The following QRICH2 variants were observed in gnomAD, a reference collection of about 807,000 sequenced individuals.
The protein encoded by QRICH2 is glutamine rich 2.
Under a neutral mutation model 168.3 loss-of-function variants are expected in QRICH2, and 119 were observed. That is an observed-to-expected ratio of 0.71 (90% CI 0.61 to 0.82). The LOEUF is 0.82. Ranked by LOEUF, QRICH2 falls within the 40% of genes least tolerant of loss-of-function variation. QRICH2 has a pLI of 0.00. For missense variants in QRICH2, 2,241 were observed against 2,491.6 expected (o/e 0.90, Z 2.14); for synonymous variants, 894 against 951.2 (o/e 0.94, Z 1.11).
intron 7 of QRICH2, among the ~76,000 whole-genome samples, chr17:76,284,804 G>C (rs1304458630): frequency 6.6e-6 from 1 of 150,524 alleles, no homozygotes. Flanking sequence ...ACAACAGAGT[G>C]AGACTCCGTC....
chr17:76,294,117 A>G, intron 3 of QRICH2, 96 bp from the exon 4 acceptor site: 21 of 1,467,306 alleles, frequency 1.4e-5, no homozygotes, highest in Non-Finnish European at 1.9e-5. Flanking sequence ...AGGATGATTT[A>G]GGGCCCCTGG....
At chr17:76,297,870 G>GTTTTT (rs1169251679) in intron 3 of QRICH2, among the ~76,000 whole-genome samples, 2 of 79,476 alleles carry the variant, frequency 2.5e-5, no homozygotes, top group Non-Finnish European at 4.6e-5. Flanking sequence ...TTAGGAATCT[G>GTTTTT]TTTTTTTTTT....
chr17:76,282,031 G>C lies in QRICH2; in HGVS notation c.4096C>G (p.His1366Asp). 6.2e-7 allele frequency: 1 copy of C among 1,613,692 alleles called. No homozygotes were observed. The highest frequency in any genetic ancestry group is 8.5e-7 in the Non-Finnish European group (1 of 1,179,810). The change falls in exon 8 of 19, where the codon CAC (histidine) becomes GAC (aspartate). Residue 1366 changes from histidine to aspartate, a missense_variant. His to Asp is a moderately conservative substitution (Grantham distance 81). Around this residue, in one of 3 missense-constraint regions of QRICH2, gnomAD observed 2,047 missense variants for 2,303.8 expected, o/e 0.89. Coordinates refer to ENST00000680821, the MANE Select transcript of QRICH2 (RefSeq NM_001388453.1). ...TCGATCTGGCCAGGAGCCAAGGTGT[G>C]GGCCTTGTGCGGGGCCATGCTCATG... ...LSMSMAPHKA[H>D]TLAPGQIDPE...
In QRICH2 at chr17:76,293,418, C is replaced by T. The variant is rs148545764; in HGVS notation, c.1309G>A (p.Val437Met). 17 of 1,614,098 alleles carry T rather than the reference C, an allele frequency of 1.1e-5. No homozygotes were observed. The highest frequency in any genetic ancestry group is 2.2e-5 in the South Asian group (2 of 91,090). ...GGTGGCAACATACGTTGCTCATCCA[C>T]GACAAATGGTATCAATTCCCGATCA... ...MDDRELIPFV[V>M]DEQRMLPPSV... The change falls in exon 4 of 19, where the codon GTG (valine) becomes ATG (methionine). Residue 437 changes from valine to methionine, a missense_variant. By Grantham distance (21) the Val-to-Met change is conservative. Transcript: ENST00000680821.
At chr17:76,297,626 G>A (rs565518623) in intron 3 of QRICH2, among the ~76,000 whole-genome samples, 2 of 152,282 alleles carry the variant, frequency 1.3e-5, no homozygotes, top group East Asian at 3.9e-4. Flanking sequence ...CCATAATGAG[G>A]AGATAACTCA....
At chr17:76,309,097 C>A (rs2071035447), upstream of QRICH2, among the ~76,000 whole-genome samples, 1 of 149,164 alleles carries the variant, frequency 6.7e-6, no homozygotes, top group Non-Finnish European at 1.5e-5. Flanking sequence ...GTGGCTCACA[C>A]CTGTAATCCC....
At chr17:76,289,406 C>T (rs56208916) in intron 5 of QRICH2, among the ~76,000 whole-genome samples, 2 of 152,004 alleles carry the variant, frequency 1.3e-5, no homozygotes, top group Admixed American at 1.3e-4. Context: ...AGGCTGGTCT[C>T]GAGCTCCCGG....
chr17:76,285,571 C>T (rs914441586), intron 7 of QRICH2, among the ~76,000 whole-genome samples: 3 of 151,476 alleles, frequency 2.0e-5, no homozygotes, highest in Non-Finnish European at 2.9e-5. Context: ...GCCGGCCCCA[C>T]ACAAAAACTT....
chr17:76,295,846 T>A (rs957048461), intron 3 of QRICH2, among the ~76,000 whole-genome samples: 1 of 152,054 alleles, frequency 6.6e-6, no homozygotes, highest in Non-Finnish European at 1.5e-5. Flanking sequence ...TATGAATCCA[T>A]GAAAAAGAAG....
rs757305529 is a variant in QRICH2, at chr17:76,291,674, T to A, written c.3053A>T (p.Gln1018Leu). ...TAGGAGTGGTGACACCTGGCCGTAT[T>A]GTTCTCTGCCAGGAGGTACCATACC... ...QHGMVPPGRE[Q>L]YGQVSPLLAS... The change falls in exon 4 of 19, where the codon CAA becomes CTA. Residue 1018 changes from glutamine (Q) to leucine (L), a missense_variant. By Grantham distance (113) the Gln-to-Leu change is moderately radical. Transcript: ENST00000680821. The A allele has an allele frequency of 2.5e-6, 4 of 1,614,042 alleles. No homozygotes were observed. Among genetic ancestry groups the A allele is most frequent in the Non-Finnish European group, 3.4e-6 (4 of 1,180,020 alleles).
intron 7 of QRICH2, among the ~76,000 whole-genome samples, chr17:76,283,364 T>C (rs4789267): frequency 0.59 from 89,232 of 152,084 alleles, 27,990 homozygotes; most frequent in African/African-American, 0.8. Flanking sequence ...CATGTGGAAG[T>C]GGGGCCTCCA....
At chr17:76,275,762 G>A (rs2070663494) in intron 18 of QRICH2, 57 bp downstream of exon 18, 3 of 1,579,734 alleles carry the variant, frequency 1.9e-6, no homozygotes, top group East Asian at 2.2e-5. Context: ...GCAGGAAAGG[G>A]GGCCGGCAGG....
chr17:76,285,204 T>A (rs1449469628), intron 7 of QRICH2, among the ~76,000 whole-genome samples: 1 of 152,020 alleles, frequency 6.6e-6, no homozygotes, highest in African/African-American at 2.4e-5. Context: ...CGATCTCAGC[T>A]CACTGCAACC....
chr17:76,282,334 C>A (rs977721689), intron 7 of QRICH2, among the ~76,000 whole-genome samples: 1 of 152,210 alleles, frequency 6.6e-6, no homozygotes, highest in Admixed American at 6.5e-5. Flanking sequence ...AACACTGAAC[C>A]AAGCCCTTGC....
In QRICH2 at chr17:76,291,666, G is replaced by T. The variant is rs2070995483; in HGVS notation, c.3061C>A (p.Gln1021Lys). 6.2e-7 allele frequency: 1 copy of T among 1,613,994 alleles called. No homozygotes were observed. The highest frequency in any genetic ancestry group is 8.5e-7 in the Non-Finnish European group (1 of 1,179,880). The change falls in exon 4 of 19, where the codon CAG (glutamine) becomes AAG (lysine). Residue 1021 changes from glutamine to lysine, a missense_variant. This residue lies in a region of QRICH2 where 2,047 missense variants were observed against 2,303.8 expected (regional missense o/e 0.89). Coordinates refer to ENST00000680821, the MANE Select transcript of QRICH2 (RefSeq NM_001388453.1). The stretch of plus-strand genomic sequence containing the variant: ...TGACTGGCTAGGAGTGGTGACACCT[G>T]GCCGTATTGTTCTCTGCCAGGAGGT... ...MVPPGREQYGQVSPLLASQGL... is the reference protein window; with the variant it reads ...MVPPGREQYGKVSPLLASQGL...
chr17:76,301,232 A>G (rs975506668), intron 3 of QRICH2, among the ~76,000 whole-genome samples: 4 of 151,176 alleles, frequency 2.6e-5, no homozygotes, highest in Non-Finnish European at 5.9e-5. Flanking sequence ...TTTTTTCTTT[A>G]ACATGCCCTA....
At chr17:76,304,843 C>T (rs2143402211) in intron 2 of QRICH2, 39 bp downstream of exon 2, 1 of 1,464,612 alleles carries the variant, frequency 6.8e-7, no homozygotes, top group Non-Finnish European at 9.6e-7. Context: ...ACGGCCAGCC[C>T]CCTGGAGAGC....
intron 5 of QRICH2, among the ~76,000 whole-genome samples, chr17:76,289,515 G>C (rs564828439): frequency 9.9e-5 from 15 of 152,210 alleles, no homozygotes; most frequent in African/African-American, 3.4e-4. Context: ...TCCAGGAAAT[G>C]AACACGATGA....
rs760133954 is a variant in QRICH2 at position 76,304,476 on chromosome 17, G to GT, written c.643dup (p.Thr215AsnfsTer31). ...CTCCAGCTCTTCCCAGGTGACCATG[G>GT]TGACTTCTTCTGCACCAGGAACCAA... On this transcript the variant is annotated frameshift_variant, in exon 3 of 19. Transcript: ENST00000680821. LOFTEE classifies it high-confidence loss of function. 1.9e-6 allele frequency: 3 copies of GT among 1,613,854 alleles called. No individual in the cohort carries two copies. The highest frequency in any genetic ancestry group is 2.5e-6 in the Non-Finnish European group (3 of 1,180,014).
Sources: allele counts gnomAD v4.1 joint callset (sites outside exome capture counted in the v4.1 genomes callset), GRCh38; gene constraint gnomAD v4.1.1; regional missense constraint gnomAD v4.1.1; transcripts MANE v1.5; gene names NCBI Gene and HGNC (gene_info 2026-07-23, HGNC 2026-07-21).